The following RAPGEF2 variants were observed in gnomAD, a reference collection of about 807,000 sequenced individuals.
RAPGEF2 encodes Rap guanine nucleotide exchange factor 2.
A neutral mutation model predicts 186.7 loss-of-function variants in RAPGEF2; 54 were observed. That is an observed-to-expected ratio of 0.29 (90% CI 0.23 to 0.36). The LOEUF (loss-of-function observed/expected upper bound fraction) is 0.36, where lower values mean the gene tolerates loss of function less well. Among genes scored for constraint, RAPGEF2 ranks in the 10% least tolerant of loss-of-function variants. The pLI, the probability that RAPGEF2 is intolerant of heterozygous loss-of-function variation, is 1.00. For missense variants in RAPGEF2, 1,532 were observed against 2,045.0 expected, an observed-to-expected ratio of 0.75 and a Z score of 4.84; for synonymous variants, 712 against 705.9, an observed-to-expected ratio of 1.01 and a Z score of -0.14.
chr4:159,346,059 C>T (rs1730264060), intron 24 of RAPGEF2, among the ~76,000 whole-genome samples: 1 of 152,138 alleles, frequency 6.6e-6, no homozygotes, highest in Non-Finnish European at 1.5e-5. Flanking sequence ...CCTCTGGAGT[C>T]AGAGTGGTCT....
chr4:159,328,877 G>C (rs1323219425), intron 11 of RAPGEF2: 1 of 151,992 alleles, frequency 6.6e-6, no homozygotes, highest in East Asian at 1.9e-4. Flanking sequence ...ATTTAGTATA[G>C]TATCTTTTTT....
intron 28 of RAPGEF2, 82 bp from the exon 29 acceptor site, chr4:159,355,771 T>G: frequency 7.9e-7 from 1 of 1,266,824 alleles, no homozygotes; most frequent in Non-Finnish European, 1.1e-6. Context: ...GTGGATGCTG[T>G]TTTAGTAATT....
chr4:159,324,580 A>G (rs1327261156), intron 11 of RAPGEF2, among the ~76,000 whole-genome samples: 1 of 152,216 alleles, frequency 6.6e-6, no homozygotes, highest in Non-Finnish European at 1.5e-5. Flanking sequence ...TTTTATTTAA[A>G]TACATATAAG....
At chr4:159,216,811 G>A (rs1014553887) in intron 4 of RAPGEF2, among the ~76,000 whole-genome samples, 2 of 152,086 alleles carry the variant, frequency 1.3e-5, no homozygotes, top group East Asian at 3.8e-4. Flanking sequence ...GATACCAACT[G>A]TATCCATAAT....
chr4:159,104,601 T>G (rs1222138812), intron 1 of RAPGEF2, among the ~76,000 whole-genome samples: 2 of 143,286 alleles, frequency 1.4e-5, no homozygotes, highest in African/African-American at 2.6e-5. Context: ...TTCTCTAGCT[T>G]TCCCTCTCCC....
intron 19 of RAPGEF2, 94 bp from the exon 20 acceptor site, chr4:159,341,470 T>C: frequency 7.5e-7 from 1 of 1,331,766 alleles, no homozygotes; most frequent in African/African-American, 1.5e-5. Flanking sequence ...CAGTGCTCTC[T>C]CAAACTTTCC....
intron 1 of RAPGEF2, among the ~76,000 whole-genome samples, chr4:159,128,394 A>C (rs1470019889): frequency 6.6e-6 from 1 of 152,134 alleles, no homozygotes; most frequent in African/African-American, 2.4e-5. Flanking sequence ...CGTAAGTTTA[A>C]TATATGAGAA....
chr4:159,104,236 G>T lies in RAPGEF2; in HGVS notation c.69+5G>T, dbSNP rs754931532. 8 of 1,383,446 alleles carry T rather than the reference G, an allele frequency of 5.8e-6. No individual in the cohort carries two copies. In the South Asian group the frequency reaches 1.1e-4, roughly 20 times the overall value. The allele number at this position is 1,383,446 out of a possible 1,614,324, so 85.7% of individuals were successfully genotyped here. ...CCCCCCGAAAGGACCCCCCAGGTGA[G>T]AACGCGGCGGCCGCCTGCCCTTGGC... On this transcript the variant is annotated splice_donor_5th_base_variant and intron_variant, in intron 1 of 29. Coordinates refer to ENST00000691494, the MANE Select transcript of RAPGEF2 (RefSeq NM_001394067.2).
intron 17 of RAPGEF2, among the ~76,000 whole-genome samples, chr4:159,336,041 C>T (rs954282956): frequency 1.3e-5 from 2 of 151,910 alleles, no homozygotes; most frequent in African/African-American, 4.8e-5. Flanking sequence ...AAGTTTTCAT[C>T]TTTTACAGAA....
chr4:159,265,519 T>C (rs149398882), intron 7 of RAPGEF2, among the ~76,000 whole-genome samples: 1 of 152,228 alleles, frequency 6.6e-6, no homozygotes, highest in Non-Finnish European at 1.5e-5. Context: ...AACTTGGGAG[T>C]GCAGAGAGTG....
chr4:159,240,546 G>A (rs1018367646), intron 5 of RAPGEF2, among the ~76,000 whole-genome samples: 2 of 151,806 alleles, frequency 1.3e-5, no homozygotes, highest in Non-Finnish European at 2.9e-5. Flanking sequence ...TGTTGGCCAG[G>A]CTGGTCTTGA....
chr4:159,190,149 G>A (rs533291110), intron 2 of RAPGEF2, among the ~76,000 whole-genome samples: 38 of 152,278 alleles, frequency 2.5e-4, no homozygotes, highest in Middle Eastern at 3.4e-3. Context: ...CAGGGTCCAC[G>A]GTATAGTAAG....
At chr4:159,179,890 G>C (rs1470690784) in intron 1 of RAPGEF2, among the ~76,000 whole-genome samples, 3 of 152,156 alleles carry the variant, frequency 2.0e-5, no homozygotes, top group Non-Finnish European at 1.5e-5. Context: ...TTGGACTATG[G>C]AAGTACAAAT....
chr4:159,106,150 A>G (rs777726022), intron 1 of RAPGEF2, among the ~76,000 whole-genome samples: 3 of 152,264 alleles, frequency 2.0e-5, no homozygotes, highest in Non-Finnish European at 4.4e-5. Context: ...AACCCACGAC[A>G]TGAAAGCTTT....
In RAPGEF2 at chr4:159,268,103, G is replaced by A. The variant is rs1483004975; in HGVS notation, c.543+24312G>A. 1.3e-5 allele frequency: 21 copies of A among 1,591,724 alleles called. No individual in the cohort carries two copies. In the East Asian group the frequency reaches 3.0e-4, roughly 22 times the overall value. On this transcript the variant is annotated intron_variant, in intron 7 of 29. Coordinates refer to ENST00000691494, the MANE Select transcript of RAPGEF2 (RefSeq NM_001394067.2). ...ATGCTGTAGAGGGTGACTTGCCATC[G>A]TGAGAGATTGGTACATGATGTGTAA... is the stretch of plus-strand genomic sequence containing the variant.
chr4:159,290,608 G>A (rs1761070832), intron 7 of RAPGEF2, among the ~76,000 whole-genome samples: 1 of 152,192 alleles, frequency 6.6e-6, no homozygotes, highest in African/African-American at 2.4e-5. Flanking sequence ...AACTGGTGAT[G>A]TAAATCAATC....
At chr4:159,323,803 C>G (rs547451860) in intron 11 of RAPGEF2, among the ~76,000 whole-genome samples, 186 bp downstream of exon 11, 2 of 151,046 alleles carry the variant, frequency 1.3e-5, no homozygotes, top group South Asian at 4.2e-4. Flanking sequence ...ACTGCAACAT[C>G]TGCCTCCTGA....
At chr4:159,199,465 C>T (rs979210671) in intron 3 of RAPGEF2, among the ~76,000 whole-genome samples, 3 of 146,308 alleles carry the variant, frequency 2.1e-5, no homozygotes, top group Non-Finnish European at 3.0e-5. Context: ...AGTCTGTTCC[C>T]GATGGTTTTT....
chr4:159,258,810 T>C (rs2110731943), intron 7 of RAPGEF2, among the ~76,000 whole-genome samples: 1 of 152,286 alleles, frequency 6.6e-6, no homozygotes, highest in East Asian at 1.9e-4. Context: ...TAGCATTATT[T>C]AGTATTTCTA....
Sources: gnomAD v4.1 joint callset for allele counts (sites outside exome capture counted in the v4.1 genomes callset) on GRCh38, gnomAD v4.1.1 for gene constraint, MANE v1.5 for transcripts, NCBI Gene and HGNC (gene_info 2026-07-23, HGNC 2026-07-21) for gene names.